Variants in EPHB1 observed in about 807,000 individuals in gnomAD.
EPHB1 encodes the protein EPH receptor B1.
EPHB1 carries 30 observed loss-of-function variants against 94.4 expected under a neutral mutation model. The observed-to-expected ratio is 0.32, with a 90% CI of 0.24 to 0.43. The LOEUF is 0.43. EPHB1 is among the 20% of genes least tolerant of loss of function. The pLI, the probability that EPHB1 is intolerant of heterozygous loss-of-function variation, is 1.00. For synonymous variants in EPHB1, 522 were observed against 489.1 expected, an observed-to-expected ratio of 1.07 and a Z score of -0.89; for missense variants, 1,055 against 1,308.3, an observed-to-expected ratio of 0.81 and a Z score of 2.99.
chr3:134,854,853 T>C (rs1387340657), intron 1 of EPHB1, among the ~76,000 whole-genome samples: 2 of 152,188 alleles, frequency 1.3e-5, no homozygotes, highest in African/African-American at 4.8e-5. Flanking sequence ...TTGCCTTTTT[T>C]CATATTGTAA....
At chr3:135,109,409 A>G (rs766961209) in intron 4 of EPHB1, among the ~76,000 whole-genome samples, 1 of 152,228 alleles carries the variant, frequency 6.6e-6, no homozygotes, top group East Asian at 1.9e-4. Context: ...CTGAGTTATT[A>G]TGAGGATTCA....
At chr3:135,096,834 A>G (rs955908107) in intron 3 of EPHB1, among the ~76,000 whole-genome samples, 2 of 152,214 alleles carry the variant, frequency 1.3e-5, no homozygotes, top group African/African-American at 2.4e-5. Context: ...ACAATGGCTC[A>G]TGCCTGTAGT....
At chr3:135,045,869 A>C (rs1936982876) in intron 3 of EPHB1, among the ~76,000 whole-genome samples, 1 of 152,236 alleles carries the variant, frequency 6.6e-6, no homozygotes, top group Non-Finnish European at 1.5e-5. Context: ...TAGGTTTAAG[A>C]TTCCACACTG....
At chr3:134,895,465 ATC>A (rs2107687258) in intron 1 of EPHB1, among the ~76,000 whole-genome samples, 1 of 152,328 alleles carries the variant, frequency 6.6e-6, no homozygotes, top group East Asian at 1.9e-4. Context: ...GGAGAGAATC[ATC>A]TCTGTTACCA....
intron 3 of EPHB1, among the ~76,000 whole-genome samples, chr3:134,990,283 T>C (rs554853450): frequency 2.0e-5 from 3 of 152,220 alleles, no homozygotes; most frequent in Non-Finnish European, 4.4e-5. Context: ...GAATAATTCT[T>C]TCTTTATCTT....
intron 1 of EPHB1, among the ~76,000 whole-genome samples, chr3:134,855,040 A>G (rs2037081874): frequency 6.6e-6 from 1 of 152,198 alleles, no homozygotes; most frequent in Non-Finnish European, 1.5e-5. Context: ...ATATACATAT[A>G]TACACATGCG....
At chr3:135,175,790 T>A (rs1298999092) in intron 9 of EPHB1, among the ~76,000 whole-genome samples, 3 of 152,210 alleles carry the variant, frequency 2.0e-5, no homozygotes, top group Non-Finnish European at 4.4e-5. Context: ...CCACTAATAA[T>A]ATTTCCCCAA....
intron 12 of EPHB1, among the ~76,000 whole-genome samples, chr3:135,232,515 G>T (rs1457747953): frequency 6.6e-6 from 1 of 152,222 alleles, no homozygotes; most frequent in East Asian, 1.9e-4. Flanking sequence ...CAACTCCAGG[G>T]TGACTCTTGA....
rs143469628 is a variant in EPHB1 at position 135,161,969 on chromosome 3, T to A, written c.1423-49T>A. 5 of 1,558,868 alleles carry A rather than the reference T, an allele frequency of 3.2e-6. No homozygotes were observed. The East Asian group carries it at 9.2e-5, about 29-fold the overall frequency. ...ACTCCAGGGTGGAGTGGGCTGGGGGTGTAGCCTTCAGGAATGGGATAGTGA... is the reference window on the plus strand; with the variant it reads ...ACTCCAGGGTGGAGTGGGCTGGGGGAGTAGCCTTCAGGAATGGGATAGTGA... On this transcript the variant is annotated intron_variant, in intron 6 of 15. Transcript: ENST00000398015.
chr3:135,113,006 T>C (rs1206675246), intron 4 of EPHB1, among the ~76,000 whole-genome samples: 1 of 152,204 alleles, frequency 6.6e-6, no homozygotes, highest in Non-Finnish European at 1.5e-5. Context: ...GAGACTGATA[T>C]TACCCCGATA....
chr3:135,097,026 G>A (rs1327984255), intron 3 of EPHB1, among the ~76,000 whole-genome samples: 1 of 150,520 alleles, frequency 6.6e-6, no homozygotes, highest in Admixed American at 6.6e-5. Context: ...AACCCTGGAG[G>A]TGGAGGTTGC....
chr3:134,900,721 A>ATG (rs914060399), intron 1 of EPHB1, among the ~76,000 whole-genome samples: 3 of 151,716 alleles, frequency 2.0e-5, no homozygotes, highest in African/African-American at 7.3e-5. Context: ...ACCTGGGTGC[A>ATG]TGTGTGTGTG....
At chr3:134,882,768 T>TTCTTTCTTTCTTTCTTTCTTTCTTTC (rs1560280512) in intron 1 of EPHB1, among the ~76,000 whole-genome samples, 1 of 44,568 alleles carries the variant, frequency 2.2e-5, no homozygotes, top group African/African-American at 6.5e-5. Flanking sequence ...CTTCCTTCCT[T>TTCTTTCTTTCTTTCTTTCTTTCTTTC]TCTTTCTTTC....
At chr3:135,219,119 T>A (rs6769586) in intron 12 of EPHB1, among the ~76,000 whole-genome samples, 2 of 151,880 alleles carry the variant, frequency 1.3e-5, no homozygotes, top group South Asian at 4.2e-4. Flanking sequence ...GTAAGCCTCA[T>A]CAGAACAGAG....
chr3:135,140,588 A>G (rs1340101213), intron 5 of EPHB1, among the ~76,000 whole-genome samples: 1 of 152,186 alleles, frequency 6.6e-6, no homozygotes, highest in Non-Finnish European at 1.5e-5. Context: ...CTGTGATTGC[A>G]GTTACCCCTT....
At chr3:135,204,417 G>T (rs557223205) in intron 12 of EPHB1, among the ~76,000 whole-genome samples, 16 of 152,164 alleles carry the variant, frequency 1.1e-4, no homozygotes, top group African/African-American at 3.9e-4. Context: ...TGTTGGCCAG[G>T]CTGGTCTCGA....
chr3:135,052,618 T>C (rs1010325112), intron 3 of EPHB1, among the ~76,000 whole-genome samples: 1 of 151,268 alleles, frequency 6.6e-6, no homozygotes, highest in Non-Finnish European at 1.5e-5. Context: ...TCCCAGCACT[T>C]TGGGAGGCCG....
chr3:134,869,055 CTCACAGTGATACT>C (rs1018831893), intron 1 of EPHB1, among the ~76,000 whole-genome samples: 14 of 152,220 alleles, frequency 9.2e-5, no homozygotes, highest in African/African-American at 3.4e-4. Context: ...CCTCAGTTTC[CTCACAGTGATACT>C]TCACAGGGTT....
At position 135,232,374 on chromosome 3, in the gene EPHB1, C is replaced by T. The variant is rs1431260604; in HGVS notation, c.2347-8774C>T. On this transcript the variant is annotated intron_variant, in intron 12 of 15. Coordinates refer to ENST00000398015, the MANE Select transcript of EPHB1 (RefSeq NM_004441.5). ...GTGCCACATGGATGCCCCCTGAGGG[C>T]AGGCCCATCTGTGTGTGAACTTGTC... Among the ~76,000 whole-genome samples the T allele has an allele frequency of 2.0e-5, 3 of 152,336 alleles. No homozygotes were observed. In the East Asian group the frequency reaches 5.8e-4, roughly 29 times the overall value.
Sources: allele counts gnomAD v4.1 joint callset (sites outside exome capture counted in the v4.1 genomes callset), GRCh38; gene constraint gnomAD v4.1.1; transcripts MANE v1.5; gene names NCBI Gene and HGNC (gene_info 2026-07-23, HGNC 2026-07-21).